The following CCSER1 variants were observed in gnomAD, a reference collection of about 807,000 sequenced individuals.
CCSER1 encodes coiled-coil serine rich protein 1.
A neutral mutation model predicts 82.0 loss-of-function variants in CCSER1; 41 were observed. That is an observed-to-expected ratio of 0.50 (90% confidence interval 0.39 to 0.65). The LOEUF (loss-of-function observed/expected upper bound fraction) is 0.65, where lower values mean the gene tolerates loss of function less well. Among genes scored for constraint, CCSER1 ranks in the 30% least tolerant of loss-of-function variants. CCSER1 has a pLI of 0.00. For missense variants in CCSER1, 1,119 were observed against 1,064.2 expected, an observed-to-expected ratio of 1.05 and a Z score of -0.72; for synonymous variants, 414 against 383.9, an observed-to-expected ratio of 1.08 and a Z score of -0.92.
chr4:91,477,949 C>T (rs1185068573), intron 10 of CCSER1, among the ~76,000 whole-genome samples: 1 of 151,798 alleles, frequency 6.6e-6, no homozygotes, highest in Non-Finnish European at 1.5e-5. Context: ...TAGTAAATGA[C>T]TGATTCAAGG....
intron 10 of CCSER1, among the ~76,000 whole-genome samples, chr4:91,153,053 G>A (rs1388859351): frequency 6.6e-6 from 1 of 151,764 alleles, no homozygotes; most frequent in Non-Finnish European, 1.5e-5. Context: ...TTTGAATGTT[G>A]GCCTGCTTGC....
chr4:90,142,425 T>A (rs1293108002), intron 1 of CCSER1, among the ~76,000 whole-genome samples: 2 of 152,184 alleles, frequency 1.3e-5, no homozygotes, highest in African/African-American at 4.8e-5. Context: ...CAACAATGCA[T>A]TTTTCTGTAG....
At chr4:90,523,255 A>G (rs1345871271) in intron 5 of CCSER1, among the ~76,000 whole-genome samples, 3 of 152,156 alleles carry the variant, frequency 2.0e-5, no homozygotes, top group Non-Finnish European at 4.4e-5. Flanking sequence ...TCAAGTTTAT[A>G]TGGTGATGAT....
chr4:91,257,350 TAATC>T (rs1740770576), intron 10 of CCSER1, among the ~76,000 whole-genome samples: 1 of 152,042 alleles, frequency 6.6e-6, no homozygotes, highest in African/African-American at 2.4e-5. Flanking sequence ...AGACAGTAAT[TAATC>T]CTAATTTTTT....
intron 10 of CCSER1, among the ~76,000 whole-genome samples, chr4:91,219,261 A>G (rs1737542108): frequency 6.8e-6 from 1 of 146,390 alleles, no homozygotes; most frequent in Non-Finnish European, 1.5e-5. Flanking sequence ...ACACTGGCCA[A>G]TTTTCTTTGG....
intron 5 of CCSER1, among the ~76,000 whole-genome samples, chr4:90,484,347 C>A (rs1246276295): frequency 6.6e-6 from 1 of 152,142 alleles, no homozygotes; most frequent in Non-Finnish European, 1.5e-5. Context: ...GTAGTTTGAT[C>A]TTCTGAAGCC....
chr4:90,745,874 T>A (rs943569839), intron 7 of CCSER1, among the ~76,000 whole-genome samples: 1 of 151,694 alleles, frequency 6.6e-6, no homozygotes, highest in Non-Finnish European at 1.5e-5. Flanking sequence ...TTAATTTTTT[T>A]TTTCTTTAGT....
chr4:91,086,119 T>C (rs1406513965), intron 10 of CCSER1, 125 bp downstream of exon 10: 3 of 651,152 alleles, frequency 4.6e-6, no homozygotes, highest in Admixed American at 5.3e-5. Flanking sequence ...TTGAAGAGAA[T>C]GTTGTCTGCA....
intron 5 of CCSER1, among the ~76,000 whole-genome samples, chr4:90,626,214 T>C (rs1300933229): frequency 6.6e-6 from 1 of 152,210 alleles, no homozygotes; most frequent in Non-Finnish European, 1.5e-5. Context: ...TCACCCATTA[T>C]TGTATTTATC....
intron 9 of CCSER1, among the ~76,000 whole-genome samples, chr4:91,000,230 GTATA>G (rs1267945919): frequency 0.015 from 146 of 9,666 alleles, no homozygotes; most frequent in Middle Eastern, 0.083. Context: ...GTATAGTATA[GTATA>G]GTATAGTATA....
At chr4:90,277,970 C>T (rs1340567620) in intron 1 of CCSER1, among the ~76,000 whole-genome samples, 1 of 151,962 alleles carries the variant, frequency 6.6e-6, no homozygotes, top group East Asian at 1.9e-4. Context: ...CTATAAGGAA[C>T]TTAATTCAGC....
intron 10 of CCSER1, among the ~76,000 whole-genome samples, chr4:91,186,039 A>G (rs1734500853): frequency 6.6e-6 from 1 of 152,176 alleles, no homozygotes; most frequent in South Asian, 2.1e-4. Context: ...CCAAGCCTCT[A>G]AATCACCCTC....
At chr4:91,467,029 G>C (rs772893651) in intron 10 of CCSER1, among the ~76,000 whole-genome samples, 2 of 152,092 alleles carry the variant, frequency 1.3e-5, no homozygotes, top group African/African-American at 4.8e-5. Flanking sequence ...TGGAACCAAA[G>C]AAGAGCCCAC....
chr4:91,504,868 C>G (rs544242822), intron 10 of CCSER1, among the ~76,000 whole-genome samples: 1 of 151,974 alleles, frequency 6.6e-6, no homozygotes, highest in Non-Finnish European at 1.5e-5. Flanking sequence ...TACTAGCATG[C>G]CCATCTGATT....
At chr4:91,211,314 C>A (rs141341523) in intron 10 of CCSER1, among the ~76,000 whole-genome samples, 1 of 152,154 alleles carries the variant, frequency 6.6e-6, no homozygotes, top group East Asian at 1.9e-4. Context: ...ACCCACAATA[C>A]TTGCTGGATG....
chr4:90,792,912 T>C (rs1166494711), intron 7 of CCSER1, among the ~76,000 whole-genome samples: 2 of 152,198 alleles, frequency 1.3e-5, no homozygotes, highest in Admixed American at 6.5e-5. Context: ...ATAGGGCTGG[T>C]ACCTGGAGTG....
At chr4:90,273,968 A>G (rs1727070495) in intron 1 of CCSER1, among the ~76,000 whole-genome samples, 1 of 152,212 alleles carries the variant, frequency 6.6e-6, no homozygotes, top group Non-Finnish European at 1.5e-5. Context: ...TATTTGAGTA[A>G]TGCAAATTTA....
At chr4:90,484,205 C>CT (rs1234826488) in intron 5 of CCSER1, among the ~76,000 whole-genome samples, 3 of 118,010 alleles carry the variant, frequency 2.5e-5, no homozygotes, top group African/African-American at 1.4e-4. Flanking sequence ...AGTTCTCGTG[C>CT]GTGGTTTTTG....
intron 1 of CCSER1, among the ~76,000 whole-genome samples, chr4:90,248,488 C>T (rs1330146997): frequency 6.6e-6 from 1 of 152,106 alleles, no homozygotes; most frequent in Non-Finnish European, 1.5e-5. Context: ...ATGTACACAT[C>T]AGTATGTAGA....
Sources: allele counts gnomAD v4.1 joint callset (sites outside exome capture counted in the v4.1 genomes callset), GRCh38; gene constraint gnomAD v4.1.1; transcripts MANE v1.5; gene names NCBI Gene and HGNC (gene_info 2026-07-23, HGNC 2026-07-21).